The following CNTNAP2 variants were observed in gnomAD, a reference collection of about 807,000 sequenced individuals.
CNTNAP2 encodes contactin associated protein 2, also known as contactin-associated protein-like 2.
Under a neutral mutation model 155.2 loss-of-function variants are expected in CNTNAP2, and 98 were observed. The ratio of observed to expected loss-of-function variants is 0.63; its 90% CI spans 0.54 to 0.75. The LOEUF is 0.75. CNTNAP2 is among the 30% of genes least tolerant of loss of function. The pLI is 0.00. For missense variants in CNTNAP2, 1,727 were observed against 1,688.1 expected (o/e 1.02, Z -0.40); for synonymous variants, 651 against 631.2 (o/e 1.03, Z -0.47).
chr7:147,104,878 A>ATATG (rs1800731198), intron 4 of CNTNAP2, among the ~76,000 whole-genome samples: 1 of 24,206 alleles, frequency 4.1e-5, no homozygotes, highest in Non-Finnish European at 7.5e-5. Flanking sequence ...TCCCTCATAT[A>ATATG]TATATATATA....
chr7:147,835,308 T>C (rs1039470903), intron 13 of CNTNAP2, among the ~76,000 whole-genome samples: 1 of 152,190 alleles, frequency 6.6e-6, no homozygotes, highest in Non-Finnish European at 1.5e-5. Context: ...AAGTTGTAGA[T>C]TCATAGAAAA....
rs528556675 is a variant in CNTNAP2 at position 148,389,013 on chromosome 7, C to T, written c.3715+5125C>T. 6.3e-4 allele frequency among the ~76,000 whole-genome samples: 96 copies of T among 152,224 alleles called. 1 individual carries two copies. Among genetic ancestry groups the T allele is most frequent in the African/African-American group, 2.2e-3 (93 of 41,536 alleles). ...AGACCCACTTGAGGAGGCAGTCTGCCCATTCTCAGATCTCCAGCTGCGTGC... is the reference window on the plus strand; with the variant it reads ...AGACCCACTTGAGGAGGCAGTCTGCTCATTCTCAGATCTCCAGCTGCGTGC... On this transcript the variant is annotated intron_variant, in intron 22 of 23. Coordinates refer to ENST00000361727, the MANE Select transcript of CNTNAP2 (RefSeq NM_014141.6).
intron 1 of CNTNAP2, among the ~76,000 whole-genome samples, chr7:146,382,628 T>A (rs1795405777): frequency 6.6e-6 from 1 of 152,174 alleles, no homozygotes; most frequent in African/African-American, 2.4e-5. Context: ...CATTTAAAAA[T>A]TTTGACACCA....
chr7:147,170,159 G>A (rs1354956795), intron 8 of CNTNAP2, among the ~76,000 whole-genome samples: 1 of 152,140 alleles, frequency 6.6e-6, no homozygotes, highest in Admixed American at 6.6e-5. Context: ...AAGACTCTGT[G>A]CAGGGGTTTT....
intron 21 of CNTNAP2, among the ~76,000 whole-genome samples, chr7:148,380,013 C>T (rs1369901868): frequency 2.6e-5 from 4 of 152,194 alleles, no homozygotes; most frequent in African/African-American, 9.7e-5. Flanking sequence ...ACGTATTACC[C>T]GGAATTGTGT....
chr7:147,329,261 T>G (rs1220324579), intron 9 of CNTNAP2, among the ~76,000 whole-genome samples: 1 of 152,128 alleles, frequency 6.6e-6, no homozygotes, highest in East Asian at 1.9e-4. Flanking sequence ...GTGAACCATC[T>G]TTTATAATTC....
chr7:146,735,642 C>G (rs1017055670), intron 1 of CNTNAP2, among the ~76,000 whole-genome samples: 3 of 137,940 alleles, frequency 2.2e-5, no homozygotes, highest in African/African-American at 1.1e-4. Flanking sequence ...TCTACCTTCT[C>G]TGTATTACTT....
chr7:147,522,358 C>T (rs1799243013), intron 11 of CNTNAP2, among the ~76,000 whole-genome samples: 1 of 152,070 alleles, frequency 6.6e-6, no homozygotes, highest in Non-Finnish European at 1.5e-5. Context: ...ATTATCCAAA[C>T]CTTCCACCAA....
intron 13 of CNTNAP2, among the ~76,000 whole-genome samples, chr7:147,762,351 A>T (rs1797316067): frequency 6.6e-6 from 1 of 152,194 alleles, no homozygotes; most frequent in Admixed American, 6.5e-5. Flanking sequence ...TTTGGACTAT[A>T]TTCAGTAGTT....
intron 21 of CNTNAP2, among the ~76,000 whole-genome samples, chr7:148,360,415 A>C (rs1798596643): frequency 6.6e-6 from 1 of 152,358 alleles, no homozygotes; most frequent in East Asian, 1.9e-4. Flanking sequence ...TTTGAAACAC[A>C]GCCCTCACCA....
chr7:146,535,753 C>G (rs900693224), intron 1 of CNTNAP2, among the ~76,000 whole-genome samples: 2 of 151,692 alleles, frequency 1.3e-5, no homozygotes, highest in Non-Finnish European at 2.9e-5. Context: ...CTTTTCTAAC[C>G]CTTTCCCCCT....
chr7:147,787,575 A>G (rs1797759041), intron 13 of CNTNAP2, among the ~76,000 whole-genome samples: 1 of 152,236 alleles, frequency 6.6e-6, no homozygotes, highest in African/African-American at 2.4e-5. Flanking sequence ...GTACTTTAAC[A>G]AAAAGCAACA....
At chr7:148,403,655 A>G (rs1799636961) in intron 22 of CNTNAP2, among the ~76,000 whole-genome samples, 1 of 152,186 alleles carries the variant, frequency 6.6e-6, no homozygotes, top group Non-Finnish European at 1.5e-5. Flanking sequence ...TCCATGTCTC[A>G]GTCATGTTTC....
chr7:146,198,268 A>G (rs1010244799), intron 1 of CNTNAP2, among the ~76,000 whole-genome samples: 1 of 152,210 alleles, frequency 6.6e-6, no homozygotes, highest in African/African-American at 2.4e-5. Flanking sequence ...GGAAAGTGAT[A>G]TATTCTCTGA....
intron 1 of CNTNAP2, among the ~76,000 whole-genome samples, chr7:146,481,704 T>A (rs1310586986): frequency 6.6e-6 from 1 of 152,196 alleles, no homozygotes; most frequent in Non-Finnish European, 1.5e-5. Flanking sequence ...TATCCTTAGC[T>A]CCTTGTGCTA....
intron 1 of CNTNAP2, among the ~76,000 whole-genome samples, chr7:146,650,305 C>G (rs963135205): frequency 2.6e-5 from 4 of 152,218 alleles, no homozygotes; most frequent in East Asian, 1.9e-4. Flanking sequence ...AAATTCCTAT[C>G]AATGATAGAC....
chr7:148,375,993 C>A (rs1798977370), intron 21 of CNTNAP2, among the ~76,000 whole-genome samples: 1 of 59,336 alleles, frequency 1.7e-5, no homozygotes. Flanking sequence ...GAGCAAGACT[C>A]CATCTCAAAA....
chr7:146,878,176 T>C (rs140332559), intron 3 of CNTNAP2, among the ~76,000 whole-genome samples: 204 of 152,262 alleles, frequency 1.3e-3, no homozygotes, highest in African/African-American at 4.5e-3. Context: ...TTTATTCTTC[T>C]AGATCCACTC....
intron 14 of CNTNAP2, among the ~76,000 whole-genome samples, chr7:147,931,971 C>T (rs537535622): frequency 1.1e-3 from 172 of 152,086 alleles, no homozygotes; most frequent in African/African-American, 3.8e-3. Context: ...CTGCAACCTC[C>T]GCCTCCCGTG....
Sources: gnomAD v4.1 joint callset for allele counts (sites outside exome capture counted in the v4.1 genomes callset) on GRCh38, gnomAD v4.1.1 for gene constraint, MANE v1.5 for transcripts, NCBI Gene and HGNC (gene_info 2026-07-23, HGNC 2026-07-21) for gene names.